LDHB: variants seen among roughly 807,000 people sequenced by gnomAD.
LDHB encodes lactate dehydrogenase B.
Under a neutral mutation model 33.4 loss-of-function variants are expected in LDHB, and 18 were observed. The ratio of observed to expected loss-of-function variants is 0.54; its 90% CI spans 0.37 to 0.80. The LOEUF (loss-of-function observed/expected upper bound fraction) is 0.80. Ranked by LOEUF, LDHB falls within the 30% of genes least tolerant of loss-of-function variation. The probability of loss-of-function intolerance (pLI) is 0.00; values close to 1 mark genes in which losing one functional copy is unlikely to be tolerated. For missense variants in LDHB, 345 were observed against 407.9 expected (o/e 0.85, Z 1.33); for synonymous variants, 121 against 140.6 (o/e 0.86, Z 0.98).
At chr12:21,654,378 A>T in intron 2 of LDHB, 165 bp downstream of exon 2, 1 of 651,538 alleles carries the variant, frequency 1.5e-6, no homozygotes, top group Non-Finnish European at 2.7e-6. Flanking sequence ...CTTTTAGGAG[A>T]TACATGCTTA....
chr12:21,638,622 T>G, intron 5 of LDHB, 152 bp from the exon 6 acceptor site: 1 of 630,976 alleles, frequency 1.6e-6, no homozygotes, highest in East Asian at 2.8e-5. Flanking sequence ...GATTCCAGTA[T>G]AGTTCCCCAA....
chr12:21,639,813 TAACCAGACAA>T (rs1282763253), intron 5 of LDHB, among the ~76,000 whole-genome samples: 1 of 152,040 alleles, frequency 6.6e-6, no homozygotes, highest in Non-Finnish European at 1.5e-5. Context: ...CCATTACAAT[TAACCAGACAA>T]AAATTCAGAT....
At chr12:21,650,751 G>C (rs1677084) in intron 2 of LDHB, among the ~76,000 whole-genome samples, 107,143 of 152,136 alleles carry the variant, frequency 0.7, 38,184 homozygotes, top group East Asian at 0.87. Flanking sequence ...AATAGCAGGA[G>C]TATTCATTTA....
intron 7 of LDHB, among the ~76,000 whole-genome samples, chr12:21,636,031 T>C (rs1412165607): frequency 1.3e-5 from 2 of 152,220 alleles, no homozygotes; most frequent in African/African-American, 2.4e-5. Flanking sequence ...TTAGGTTTTA[T>C]ACATAGAATA....
intron 1 of LDHB, 89 bp from the exon 2 acceptor site, chr12:21,654,766 G>T: frequency 5.6e-6 from 6 of 1,067,380 alleles, no homozygotes; most frequent in Non-Finnish European, 8.8e-6. Context: ...TTGCAATTTC[G>T]AACTGAAGTA....
At chr12:21,644,601 C>T (rs570865203) in intron 3 of LDHB, among the ~76,000 whole-genome samples, 3 of 152,204 alleles carry the variant, frequency 2.0e-5, no homozygotes, top group East Asian at 3.9e-4. Context: ...TTTAGCGCTG[C>T]AAGTTTCCCT....
At position 21,635,358 on chromosome 12, in the gene LDHB, A is replaced by T. The variant is rs1938187614; in HGVS notation, c.*184T>A. On this transcript the variant is annotated 3_prime_UTR_variant, in exon 8 of 8. Transcript: ENST00000350669. Reference sequence around the variant, plus strand: ...AAACAGAAGCACACTACAATAGTTAATTTTATTTGTTCAAGAGCTCAGATT... The same window carrying T: ...AAACAGAAGCACACTACAATAGTTATTTTTATTTGTTCAAGAGCTCAGATT... The T allele has an allele frequency of 8.1e-6, 5 of 615,808 alleles. No homozygotes were observed. Among genetic ancestry groups the T allele is most frequent in the South Asian group, 5.8e-5 (3 of 51,936 alleles). The allele number at this position is 615,808 out of a possible 1,614,324, so 38.1% of individuals were successfully genotyped here.
rs1565624057 is a variant in LDHB at position 21,635,681 on chromosome 12, A to G, written c.866T>C (p.Phe289Ser). ...ATTGAGGATACATGGAAGGCTCAGG[A>G]AGACTTCATTCTCAATGCCATACAT... ...KGMYGIENEV[F>S]LSLPCILNAR... Residue 289 changes from phenylalanine to serine, a missense_variant, in exon 8 of 8, where the codon TTC (phenylalanine) becomes TCC (serine). By Grantham distance (155) the Phe-to-Ser change is radical. Transcript: ENST00000350669. The G allele has an allele frequency of 6.2e-7, 1 of 1,613,804 alleles. No homozygotes were observed. Among genetic ancestry groups the G allele is most frequent in the South Asian group, 1.1e-5 (1 of 91,070 alleles).
intron 6 of LDHB, among the ~76,000 whole-genome samples, chr12:21,637,721 T>C (rs550849878): frequency 1.6e-3 from 246 of 152,102 alleles, no homozygotes; most frequent in African/African-American, 4.7e-3. Context: ...TAGCTGAGTA[T>C]TGGAAAATTA....
At chr12:21,635,978 C>A (rs977135676) in intron 7 of LDHB, among the ~76,000 whole-genome samples, 1 of 152,118 alleles carries the variant, frequency 6.6e-6, no homozygotes, top group South Asian at 2.1e-4. Context: ...ATCTAATTTT[C>A]ATCACTTACA....
chr12:21,638,641 A>T, intron 5 of LDHB, 171 bp from the exon 6 acceptor site: 1 of 592,288 alleles, frequency 1.7e-6, no homozygotes, highest in South Asian at 2.1e-5. Flanking sequence ...AAAAAGGCTG[A>T]CGTTTGCCTT....
chr12:21,643,587 A>G (rs563731850), intron 4 of LDHB: 7 of 245,596 alleles, frequency 2.9e-5, no homozygotes, highest in East Asian at 1.8e-4. Context: ...AAAAGGTCAA[A>G]TATGTCAAAA....
At chr12:21,636,459 G>A (rs1366737299) in intron 7 of LDHB, among the ~76,000 whole-genome samples, 2 of 151,584 alleles carry the variant, frequency 1.3e-5, no homozygotes, top group Non-Finnish European at 2.9e-5. Flanking sequence ...CTTAATGTCA[G>A]TTTTTAAACT....
chr12:21,654,079 G>C (rs906880992), intron 2 of LDHB, among the ~76,000 whole-genome samples: 3 of 152,106 alleles, frequency 2.0e-5, no homozygotes, highest in Admixed American at 1.3e-4. Context: ...GAAAACATCA[G>C]ACAGACAAAT....
chr12:21,638,526 A>G lies in LDHB; in HGVS notation c.596-56T>C, dbSNP rs952274032. The G allele has an allele frequency of 1.1e-5, 13 of 1,221,728 alleles. No individual in the cohort carries two copies. In the Admixed American group the frequency reaches 2.1e-4, roughly 20 times the overall value. 75.7% of individuals were successfully genotyped at this position (1,221,728 alleles called of 1,614,324 possible). A position where few individuals can be genotyped will look rare whatever the true frequency, so the allele number is the denominator to read the frequency against. ...GTTATTTCTTACATTATTTTAAAAA[A>G]TATTTTCTTCTTTTAGTGCAATTTC... On this transcript the variant is annotated intron_variant, in intron 5 of 7. Transcript: ENST00000350669.
intron 3 of LDHB, among the ~76,000 whole-genome samples, chr12:21,644,923 C>A (rs2136970474): frequency 6.6e-6 from 1 of 152,258 alleles, no homozygotes; most frequent in Admixed American, 6.5e-5. Context: ...TTCTTCAAGG[C>A]ATTGAAATTA....
chr12:21,643,692 C>T (rs1938433650), intron 4 of LDHB: 2 of 510,782 alleles, frequency 3.9e-6, no homozygotes, highest in Non-Finnish European at 6.9e-6. Flanking sequence ...GAATCTATAA[C>T]CAAGCCAGAT....
At chr12:21,654,946 C>T (rs1938798487) in intron 1 of LDHB, among the ~76,000 whole-genome samples, 1 of 151,756 alleles carries the variant, frequency 6.6e-6, no homozygotes, top group Non-Finnish European at 1.5e-5. Context: ...CATGGTGAAA[C>T]CCCGTCTCTA....
chr12:21,642,993 A>C (rs1448391239), intron 4 of LDHB, among the ~76,000 whole-genome samples: 2 of 152,252 alleles, frequency 1.3e-5, no homozygotes, highest in Non-Finnish European at 2.9e-5. Context: ...GCAGTAACTT[A>C]CTATGTGCTA....
Sources: allele counts gnomAD v4.1 joint callset (sites outside exome capture counted in the v4.1 genomes callset), GRCh38; gene constraint gnomAD v4.1.1; transcripts MANE v1.5; gene names NCBI Gene and HGNC (gene_info 2026-07-23, HGNC 2026-07-21).